CBFA2T3: variants seen among roughly 807,000 people sequenced by gnomAD.
CBFA2T3 encodes transcriptional corepressor CBFA2T3.
A neutral mutation model predicts 58.6 loss-of-function variants in CBFA2T3; 31 were observed. The ratio of observed to expected loss-of-function variants is 0.53; its 90% CI spans 0.40 to 0.71. The LOEUF (loss-of-function observed/expected upper bound fraction) is 0.71, where lower values mean the gene tolerates loss of function less well. Ranked by LOEUF, CBFA2T3 falls within the 30% of genes least tolerant of loss-of-function variation. The probability of loss-of-function intolerance (pLI) is 0.00; values close to 1 mark genes in which losing one functional copy is unlikely to be tolerated. For synonymous variants in CBFA2T3, 531 were observed against 421.9 expected (o/e 1.26, Z -3.17); for missense variants, 1,076 against 963.1 (o/e 1.12, Z -1.55).
In CBFA2T3 at chr16:88,886,024, G is replaced by T. The variant is rs960207100; in HGVS notation, c.830C>A (p.Pro277His). The change falls in exon 6 of 12, where the codon CCC becomes CAC. Residue 277 changes from proline to histidine, a missense_variant. Pro to His is a moderately conservative substitution (Grantham distance 77). Transcript: ENST00000268679. ...QLLLDASASS[P>H]IDSSELLLEV... ...CAGTAGCAGCTCTGAGGAGTCGATG[G>T]GGGAGGAGGCGCTGGCGTCCAGCAG... 6.4e-7 allele frequency: 1 copy of T among 1,569,028 alleles called. No individual in the cohort carries two copies. Among genetic ancestry groups the T allele is most frequent in the East Asian group, 2.3e-5 (1 of 43,364 alleles).
intron 1 of CBFA2T3, among the ~76,000 whole-genome samples, chr16:88,916,543 T>C (rs1017299938): frequency 1.3e-5 from 2 of 151,036 alleles, no homozygotes; most frequent in African/African-American, 2.4e-5. Context: ...CTGTGTGACC[T>C]CAGGGATGGC....
In CBFA2T3 at chr16:88,880,736, G is replaced by A. The variant is rs1969034852; in HGVS notation, c.1455C>T (p.Asp485=). ...PRTLTGYVPE[D]IWRKAEEAVN... ...CCCACTCACCAGCCTTCCTCCAGATGTCCTCAGGCACGTAGCCGGTGAGGG... is the reference window on the plus strand; with the variant it reads ...CCCACTCACCAGCCTTCCTCCAGATATCCTCAGGCACGTAGCCGGTGAGGG... The change falls in exon 10 of 12, where the codon GAC becomes GAT. Residue 485 remains aspartate, a synonymous_variant. Transcript: ENST00000268679. The A allele has an allele frequency of 3.8e-6, 6 of 1,573,060 alleles. No homozygotes were observed. Among genetic ancestry groups the A allele is most frequent in the Non-Finnish European group, 5.2e-6 (6 of 1,158,866 alleles).
At chr16:88,973,909 T>TG (rs35148767) in intron 1 of CBFA2T3, among the ~76,000 whole-genome samples, 61,775 of 151,046 alleles carry the variant, frequency 0.41, 13,051 homozygotes, top group East Asian at 0.53. Context: ...CCATAACATC[T>TG]CCCGCCTTGC....
Position 88,958,227 on chromosome 16 carries a change from A to G in CBFA2T3, c.151+18430T>C, listed in dbSNP as rs1972280479. On this transcript the variant is annotated intron_variant, in intron 1 of 11. Coordinates refer to ENST00000268679, the MANE Select transcript of CBFA2T3 (RefSeq NM_005187.6). The surrounding 1 kb of genome is among the most constrained non-coding windows in gnomAD (Gnocchi z 4.0). Reference sequence around the variant, plus strand: ...ATCCCGAGAGGAAAGGGCCCTGGGCACAGGCTATGGCAGAAGAGCTTCGAG... The same window carrying G: ...ATCCCGAGAGGAAAGGGCCCTGGGCGCAGGCTATGGCAGAAGAGCTTCGAG... 6.6e-6 allele frequency among the ~76,000 whole-genome samples: 1 copy of G among 152,160 alleles called. No individual in the cohort carries two copies.
chr16:88,886,163 G>T (rs373326664), intron 5 of CBFA2T3, 21 bp from the exon 6 acceptor site: 11 of 1,507,646 alleles, frequency 7.3e-6, no homozygotes, highest in Non-Finnish European at 9.7e-6. Context: ...GGGAAGGAGG[G>T]CCTGGGTAGC....
At chr16:88,910,618 C>T (rs918688939) in intron 1 of CBFA2T3, among the ~76,000 whole-genome samples, 44 of 152,210 alleles carry the variant, frequency 2.9e-4, no homozygotes, top group African/African-American at 1.0e-3. Context: ...CTGCGGATGG[C>T]GTGAGCAGTG....
chr16:88,883,001 G>C (rs1480462163), intron 7 of CBFA2T3, among the ~76,000 whole-genome samples: 1 of 152,204 alleles, frequency 6.6e-6, no homozygotes, highest in Non-Finnish European at 1.5e-5. Context: ...CTCCAAGGGA[G>C]GGTTCAGTCT....
intron 1 of CBFA2T3, among the ~76,000 whole-genome samples, chr16:88,928,434 G>A (rs1971157534): frequency 6.6e-6 from 1 of 152,248 alleles, no homozygotes; most frequent in East Asian, 1.9e-4. Flanking sequence ...ACACAGGCGA[G>A]ACCCATGATC....
At chr16:88,969,134 C>G (rs1489212063) in intron 1 of CBFA2T3, among the ~76,000 whole-genome samples, 1 of 152,230 alleles carries the variant, frequency 6.6e-6, no homozygotes, top group Admixed American at 6.5e-5. Context: ...CGGCTGCAGC[C>G]TGGCCCGGAT....
At chr16:88,909,914 C>T (rs981798810) in intron 1 of CBFA2T3, among the ~76,000 whole-genome samples, 1 of 152,238 alleles carries the variant, frequency 6.6e-6, no homozygotes, top group Non-Finnish European at 1.5e-5. Context: ...AAGGTAAACC[C>T]GTACACTTGG....
intron 1 of CBFA2T3, among the ~76,000 whole-genome samples, chr16:88,917,245 G>A (rs946385267): frequency 6.6e-6 from 1 of 152,180 alleles, no homozygotes; most frequent in East Asian, 1.9e-4. Context: ...AAGTCCCACA[G>A]ACAACCCCAG....
intron 11 of CBFA2T3, among the ~76,000 whole-genome samples, chr16:88,878,055 G>A (rs1034237318): frequency 1.3e-5 from 2 of 152,140 alleles, no homozygotes; most frequent in South Asian, 2.1e-4. Context: ...CACAGTCCCC[G>A]CTCCAGGCCC....
At chr16:88,926,098 C>G (rs1319644105) in intron 1 of CBFA2T3, among the ~76,000 whole-genome samples, 1 of 152,196 alleles carries the variant, frequency 6.6e-6, no homozygotes. Context: ...GTCTCACGTT[C>G]CCCACCTGTG....
chr16:88,908,545 A>G (rs1379273593), intron 1 of CBFA2T3, among the ~76,000 whole-genome samples: 3 of 152,104 alleles, frequency 2.0e-5, no homozygotes, highest in Non-Finnish European at 4.4e-5. Flanking sequence ...CCGCTCATCC[A>G]TCACTTCCCC....
chr16:88,976,626 C>A (rs776301311), intron 1 of CBFA2T3, 31 bp downstream of exon 1: 3 of 1,507,184 alleles, frequency 2.0e-6, no homozygotes, highest in African/African-American at 2.8e-5. Context: ...TCTCTGCCCC[C>A]ACCCCACCAC....
At chr16:88,943,413 C>G (rs1971811512) in intron 1 of CBFA2T3, among the ~76,000 whole-genome samples, 1 of 152,260 alleles carries the variant, frequency 6.6e-6, no homozygotes, top group African/African-American at 2.4e-5. Flanking sequence ...TGAGGAGTGA[C>G]AGACCTGAAG....
At chr16:88,941,342 G>C in intron 1 of CBFA2T3, 1 of 191,218 alleles carries the variant, frequency 5.2e-6, no homozygotes, top group Non-Finnish European at 9.4e-6. Context: ...GCTCGCCCGA[G>C]AGTCTCACGG....
chr16:88,921,075 T>G (rs957131390), intron 1 of CBFA2T3, among the ~76,000 whole-genome samples: 3 of 152,172 alleles, frequency 2.0e-5, no homozygotes, highest in Non-Finnish European at 4.4e-5. Context: ...CCCTGGGCCT[T>G]CCCCCAGGCA....
chr16:88,965,532 G>A (rs1388232209), intron 1 of CBFA2T3, among the ~76,000 whole-genome samples: 3 of 152,250 alleles, frequency 2.0e-5, no homozygotes, highest in Non-Finnish European at 4.4e-5. Context: ...AACCCAGGGG[G>A]CTAGGTCCCT....
Sources: allele counts gnomAD v4.1 joint callset (sites outside exome capture counted in the v4.1 genomes callset), GRCh38; gene constraint gnomAD v4.1.1; non-coding constraint Gnocchi (gnomAD v3.1); transcripts MANE v1.5; gene names NCBI Gene and HGNC (gene_info 2026-07-23, HGNC 2026-07-21).